TNS3: variants seen among roughly 807,000 people sequenced by gnomAD.
TNS3 encodes tensin 3.
In TNS3, 45 loss-of-function variants were observed where a neutral mutation model predicts 140.9. That is an observed-to-expected ratio of 0.32 (90% CI 0.25 to 0.41). The LOEUF (loss-of-function observed/expected upper bound fraction) is 0.41. Among genes scored for constraint, TNS3 ranks in the 10% least tolerant of loss-of-function variants. The pLI, the probability that TNS3 is intolerant of heterozygous loss-of-function variation, is 1.00. For synonymous variants in TNS3, 815 were observed against 788.4 expected, an observed-to-expected ratio of 1.03 and a Z score of -0.56; for missense variants, 1,716 against 1,906.7, an observed-to-expected ratio of 0.90 and a Z score of 1.86.
chr7:47,408,885 A>G (rs997007285), intron 13 of TNS3, among the ~76,000 whole-genome samples: 1 of 151,106 alleles, frequency 6.6e-6, no homozygotes, highest in African/African-American at 2.4e-5. Context: ...TCCTCCTGTG[A>G]CCTCTCCCAC....
At chr7:47,492,915 A>C (rs577435708) in intron 3 of TNS3, among the ~76,000 whole-genome samples, 1 of 152,352 alleles carries the variant, frequency 6.6e-6, no homozygotes, top group Admixed American at 6.5e-5. Context: ...GTTCATCAGG[A>C]CGGCACTGAG....
intron 1 of TNS3, among the ~76,000 whole-genome samples, chr7:47,534,966 G>A (rs1336680886): frequency 6.6e-6 from 1 of 152,156 alleles, no homozygotes; most frequent in East Asian, 1.9e-4. Flanking sequence ...CCAGTCTCAC[G>A]CTCAGACAAG....
chr7:47,289,708 T>C (rs1785595334), intron 27 of TNS3, among the ~76,000 whole-genome samples: 1 of 152,204 alleles, frequency 6.6e-6, no homozygotes, highest in African/African-American at 2.4e-5. Flanking sequence ...AAGATCTATA[T>C]GAGGAACACT....
At chr7:47,304,028 G>A (rs944205269) in intron 21 of TNS3, among the ~76,000 whole-genome samples, 3 of 152,136 alleles carry the variant, frequency 2.0e-5, no homozygotes, top group South Asian at 2.1e-4. Flanking sequence ...ATGCCCTCCC[G>A]TCTTGTCCCA....
chr7:47,343,910 G>A (rs905281191), intron 20 of TNS3, among the ~76,000 whole-genome samples: 4 of 152,148 alleles, frequency 2.6e-5, no homozygotes, highest in Non-Finnish European at 5.9e-5. Flanking sequence ...TTACTATGGA[G>A]AAAGAGAGAG....
At chr7:47,489,814 G>A (rs1041501093) in intron 3 of TNS3, among the ~76,000 whole-genome samples, 1 of 152,186 alleles carries the variant, frequency 6.6e-6, no homozygotes, top group East Asian at 1.9e-4. Flanking sequence ...GCACAGCACA[G>A]GATCGCTCGG....
At position 47,389,109 on chromosome 7, in the gene TNS3, C is replaced by CGGAAGCAGAAGAAGAAGAAGAAGA. The variant is rs1554310453; in HGVS notation, c.1024+7690_1024+7691insTCTTCTTCTTCTTCTTCTGCTTCC. The stretch of plus-strand genomic sequence containing the variant: ...GAGGAAGAGGAAGAGGAAGCGGAAG[C>CGGAAGCAGAAGAAGAAGAAGAAGA]AGAAGAAGAAGAAGAAGAAGAAGAA... On this transcript the variant is annotated intron_variant, in intron 16 of 30. Transcript: ENST00000311160. Among the ~76,000 whole-genome samples, 5 of 59,140 alleles carry CGGAAGCAGAAGAAGAAGAAGAAGA rather than the reference C, an allele frequency of 8.5e-5. 1 individual carries two copies. Among genetic ancestry groups the CGGAAGCAGAAGAAGAAGAAGAAGA allele is most frequent in the African/African-American group, 2.7e-4 (4 of 14,774 alleles). The allele number at this position is 59,140 out of a possible 152,430, so 38.8% of individuals were successfully genotyped here.
At chr7:47,460,397 C>T (rs1226558131) in intron 4 of TNS3, among the ~76,000 whole-genome samples, 1 of 152,168 alleles carries the variant, frequency 6.6e-6, no homozygotes, top group African/African-American at 2.4e-5. Context: ...AGGGTGATAA[C>T]CGCCCATTGC....
At chr7:47,477,433 GCAGAAGAGCAGC>G (rs1335274865) in intron 4 of TNS3, among the ~76,000 whole-genome samples, 1 of 152,134 alleles carries the variant, frequency 6.6e-6, no homozygotes, top group Non-Finnish European at 1.5e-5. Flanking sequence ...ACAGGACAGA[GCAGAAGAGCAGC>G]CAGGTCTAAG....
intron 4 of TNS3, among the ~76,000 whole-genome samples, chr7:47,475,819 A>C (rs1011287972): frequency 6.6e-6 from 1 of 152,138 alleles, no homozygotes; most frequent in Non-Finnish European, 1.5e-5. Flanking sequence ...GATCCTGCAA[A>C]CCTGCAACTA....
chr7:47,306,372 C>T (rs1046374168), intron 20 of TNS3, among the ~76,000 whole-genome samples: 2 of 152,172 alleles, frequency 1.3e-5, no homozygotes, highest in Non-Finnish European at 2.9e-5. Context: ...AGAATTTGCA[C>T]TATCAATTCA....
At chr7:47,572,334 G>C (rs544263660) in intron 1 of TNS3, among the ~76,000 whole-genome samples, 1 of 152,280 alleles carries the variant, frequency 6.6e-6, no homozygotes, top group South Asian at 2.1e-4. Flanking sequence ...CATTCGCGCG[G>C]TAGTCACACA....
chr7:47,582,113 G>A (rs892425068), upstream of TNS3: 1 of 151,654 alleles, frequency 6.6e-6, no homozygotes, highest in Non-Finnish European at 1.5e-5. Context: ...GCTCCGAGTA[G>A]CGCGCGGGCG....
intron 9 of TNS3, 109 bp downstream of exon 9, chr7:47,428,203 G>T: frequency 1.4e-6 from 1 of 735,674 alleles, no homozygotes; most frequent in Non-Finnish European, 2.0e-6. Flanking sequence ...GGAAACACAG[G>T]TCAGCCGAGC....
chr7:47,305,586 T>A (rs1786703208), intron 20 of TNS3, among the ~76,000 whole-genome samples: 2 of 152,236 alleles, frequency 1.3e-5, no homozygotes, highest in South Asian at 4.1e-4. Context: ...ATGCTGCTGC[T>A]TTCCAGGTCA....
chr7:47,472,107 C>CT (rs2151744909), intron 4 of TNS3, among the ~76,000 whole-genome samples: 1 of 152,354 alleles, frequency 6.6e-6, no homozygotes, highest in African/African-American at 2.4e-5. Context: ...GCTCCAGCCT[C>CT]TGCCTCTGTC....
At chr7:47,347,440 G>A (rs1455852777) in intron 17 of TNS3, among the ~76,000 whole-genome samples, 2 of 152,116 alleles carry the variant, frequency 1.3e-5, no homozygotes, top group Non-Finnish European at 2.9e-5. Context: ...TCCACAGAGA[G>A]CGACAAGACA....
rs1199601326 is a variant in TNS3, at chr7:47,303,345, C to G, written c.3062G>C (p.Gly1021Ala). 6.2e-7 allele frequency: 1 copy of G among 1,613,460 alleles called. No homozygotes were observed. ...LAPPSSQAFL[G>A]FGTAPVGSGL... is the part of the protein sequence containing the mutation. ...ACTTCCCACTGGGGCGGTGCCGAAG[C>G]CCAGGAAGGCCTGGCTGCTGGGAGG... The change falls in exon 22 of 31, where the codon GGC becomes GCC. Residue 1021 changes from glycine (G) to alanine (A), a missense_variant. Gly to Ala is a moderately conservative substitution (Grantham distance 60). This residue lies in a region of TNS3 where 1,163 missense variants were observed against 1,182.1 expected (regional missense o/e 0.98). Coordinates refer to ENST00000311160, the MANE Select transcript of TNS3 (RefSeq NM_022748.12).
intron 30 of TNS3, 142 bp downstream of exon 30, chr7:47,280,022 T>C (rs1785056954): frequency 4.0e-6 from 4 of 997,218 alleles, no homozygotes; most frequent in Admixed American, 2.4e-5. Context: ...GAGAACACTT[T>C]TACTTTTTTC....
Sources: gnomAD v4.1 joint callset for allele counts (sites outside exome capture counted in the v4.1 genomes callset) on GRCh38, gnomAD v4.1.1 for gene constraint, gnomAD v4.1.1 regional missense constraint, MANE v1.5 for transcripts, NCBI Gene and HGNC (gene_info 2026-07-23, HGNC 2026-07-21) for gene names.